The following FKBP7 variants were observed in gnomAD, a reference collection of about 807,000 sequenced individuals.
The protein encoded by FKBP7 is FKBP prolyl isomerase 7, also known as peptidyl-prolyl cis-trans isomerase FKBP7.
Under a neutral mutation model 24.3 loss-of-function variants are expected in FKBP7, and 24 were observed. That is an observed-to-expected ratio of 0.99 (90% CI 0.72 to 1.39). The LOEUF is 1.39. FKBP7 is among the 40% of genes most tolerant of loss of function. The probability of loss-of-function intolerance (pLI) is 0.00; values close to 1 mark genes in which losing one functional copy is unlikely to be tolerated. For missense variants in FKBP7, 257 were observed against 269.5 expected (o/e 0.95, Z 0.33); for synonymous variants, 98 against 92.8 (o/e 1.06, Z -0.32).
intron 2 of FKBP7, among the ~76,000 whole-genome samples, chr2:178,475,968 A>G (rs1404633376): frequency 6.6e-6 from 1 of 152,192 alleles, no homozygotes; most frequent in Non-Finnish European, 1.5e-5. Flanking sequence ...ACAGCCCATT[A>G]TATCTCAGCT....
intron 2 of FKBP7, among the ~76,000 whole-genome samples, chr2:178,472,620 G>A (rs1003387038): frequency 1.3e-5 from 2 of 151,674 alleles, no homozygotes; most frequent in East Asian, 3.9e-4. Flanking sequence ...CCAGGAGGGC[G>A]AGATCAGCCT....
chr2:178,469,412 C>T (rs1378793987), intron 3 of FKBP7, among the ~76,000 whole-genome samples: 4 of 152,206 alleles, frequency 2.6e-5, no homozygotes, highest in South Asian at 2.1e-4. Flanking sequence ...ACAAATAATT[C>T]GGGATTTTAA....
chr2:178,466,750 CTA>C, intron 3 of FKBP7, among the ~76,000 whole-genome samples: 1 of 152,098 alleles, frequency 6.6e-6, no homozygotes, highest in East Asian at 1.9e-4. Context: ...TAAGATGTGA[CTA>C]TAAAAATTTT....
At chr2:178,472,816 C>T (rs1335591882) in intron 2 of FKBP7, among the ~76,000 whole-genome samples, 8 of 129,986 alleles carry the variant, frequency 6.2e-5, no homozygotes, top group South Asian at 2.6e-4. Context: ...CACACCACTG[C>T]GCTCCAATCT....
Position 178,464,260 on chromosome 2 carries a change from C to T in FKBP7, c.*1510G>A, listed in dbSNP as rs1367358155. 6.6e-6 allele frequency: 1 copy of T among 152,240 alleles called. No homozygotes were observed. Among genetic ancestry groups the T allele is most frequent in the Non-Finnish European group, 1.5e-5 (1 of 68,056 alleles). The allele number at this position is 152,240 out of a possible 1,614,324, so 9.4% of individuals were successfully genotyped here. A position where few individuals can be genotyped will look rare whatever the true frequency, so the allele number is the denominator to read the frequency against. ...TAGAAAAAACTTTACTTGTTTGGAA[C>T]TCAATTATTTTGAACAGAGCTATTT... On this transcript the variant is annotated 3_prime_UTR_variant, in exon 4 of 4. Coordinates refer to ENST00000424785, the MANE Select transcript of FKBP7 (RefSeq NM_181342.3).
intron 2 of FKBP7, among the ~76,000 whole-genome samples, chr2:178,471,108 G>T (rs942678959): frequency 3.3e-5 from 5 of 151,188 alleles, no homozygotes; most frequent in Non-Finnish European, 5.9e-5. Context: ...CAGGTGATCC[G>T]CTTGCCTTGG....
chr2:178,470,839 G>T (rs1684828646), intron 2 of FKBP7, among the ~76,000 whole-genome samples: 1 of 151,884 alleles, frequency 6.6e-6, no homozygotes, highest in Non-Finnish European at 1.5e-5. Flanking sequence ...CAAAGAAATT[G>T]TATACATTTT....
intron 3 of FKBP7, among the ~76,000 whole-genome samples, chr2:178,466,557 A>G (rs1212985790): frequency 6.6e-6 from 1 of 152,148 alleles, no homozygotes; most frequent in African/African-American, 2.4e-5. Flanking sequence ...AGCACTTGAA[A>G]CATGGCTAGA....
intron 2 of FKBP7, chr2:178,473,119 A>G: frequency 7.7e-7 from 1 of 1,303,656 alleles, no homozygotes; most frequent in Non-Finnish European, 1.0e-6. Context: ...TATTTTGCAG[A>G]AGAAAGACTT....
At position 178,465,642 on chromosome 2, in the gene FKBP7, T is replaced by C. The variant is rs771266626; in HGVS notation, c.*128A>G. On this transcript the variant is annotated 3_prime_UTR_variant, in exon 4 of 4. Coordinates refer to ENST00000424785, the MANE Select transcript of FKBP7 (RefSeq NM_181342.3). ...CTCACATTTATTATACCAAAATCAATGTATTGGGGAGATCAAAATATCTTC... is the reference window on the plus strand; with the variant it reads ...CTCACATTTATTATACCAAAATCAACGTATTGGGGAGATCAAAATATCTTC... The C allele has an allele frequency of 2.6e-6, 2 of 755,180 alleles. No homozygotes were observed. The highest frequency in any genetic ancestry group is 3.8e-6 in the Non-Finnish European group (2 of 533,172). 46.8% of individuals were successfully genotyped at this position (755,180 alleles called of 1,614,324 possible).
At chr2:178,476,962 T>G in intron 2 of FKBP7, 100 bp downstream of exon 2, 2 of 868,712 alleles carry the variant, frequency 2.3e-6, no homozygotes, top group South Asian at 1.9e-5. Context: ...AATATTTCTT[T>G]GAGACTGTGC....
chr2:178,465,741 TAA>T lies in FKBP7; in HGVS notation c.*27_*28del, dbSNP rs11336824. 813 of 1,251,692 alleles carry T rather than the reference TAA, an allele frequency of 6.5e-4. No homozygotes were observed. The highest frequency in any genetic ancestry group is 3.5e-3 in the East Asian group (125 of 36,190). 77.5% of individuals were successfully genotyped at this position (1,251,692 alleles called of 1,614,324 possible). A position where few individuals can be genotyped will look rare whatever the true frequency, so the allele number is the denominator to read the frequency against. On this transcript the variant is annotated 3_prime_UTR_variant, in exon 4 of 4. Coordinates refer to ENST00000424785, the MANE Select transcript of FKBP7 (RefSeq NM_181342.3). Reference sequence around the variant, plus strand: ...TTATACATAAAGTACAGTAAATAGCTAAAAAAAAAAAGTAGAAATACAAATAT... The same window carrying T: ...TTATACATAAAGTACAGTAAATAGCTAAAAAAAAAGTAGAAATACAAATAT...
chr2:178,478,089 T>G (rs984679154), intron 1 of FKBP7, among the ~76,000 whole-genome samples, 190 bp downstream of exon 1: 44 of 152,350 alleles, frequency 2.9e-4, no homozygotes, highest in African/African-American at 1.1e-3. Flanking sequence ...TTTTCAATAC[T>G]TTAAATAAAA....
chr2:178,465,778 C>A lies in FKBP7; in HGVS notation c.661G>T (p.Glu221Ter), dbSNP rs1481458537. Residue 221 changes from glutamate (E) to a stop codon, truncating the protein, a stop_gained, in exon 4 of 4, where the codon GAA (glutamate) becomes TAA (stop). Coordinates refer to ENST00000424785, the MANE Select transcript of FKBP7 (RefSeq NM_181342.3). LOFTEE classifies it high-confidence loss of function. Reference protein sequence around the residue: ...PKEYNVYQHDEL With the variant: ...PKEYNVYQHD ...GTAGAAATACAAATATGCTATAGTT[C>A]ATCGTGTTGGTATACATTGTATTCC... 2 of 1,575,572 alleles carry A rather than the reference C, an allele frequency of 1.3e-6. No homozygotes were observed. The highest frequency in any genetic ancestry group is 1.8e-4 in the Middle Eastern group (1 of 5,712).
In FKBP7 at chr2:178,465,651, G is replaced by T; in HGVS notation, c.*119C>A. ...ATTATACCAAAATCAATGTATTGGG[G>T]AGATCAAAATATCTTCTCATAGGGG... On this transcript the variant is annotated 3_prime_UTR_variant, in exon 4 of 4. Transcript: ENST00000424785. The T allele has an allele frequency of 1.1e-6, 1 of 916,360 alleles. No individual in the cohort carries two copies. The highest frequency in any genetic ancestry group is 1.5e-6 in the Non-Finnish European group (1 of 648,148). 56.8% of individuals were successfully genotyped at this position (916,360 alleles called of 1,614,324 possible).
intron 3 of FKBP7, among the ~76,000 whole-genome samples, chr2:178,469,386 G>GA (rs1684783538): frequency 1.3e-5 from 2 of 152,158 alleles, no homozygotes; most frequent in African/African-American, 4.8e-5. Context: ...CTAGAAACTG[G>GA]AAGAGCACTG....
intron 3 of FKBP7, 92 bp downstream of exon 3, chr2:178,469,560 T>C: frequency 7.5e-7 from 1 of 1,332,008 alleles, no homozygotes; most frequent in Non-Finnish European, 1.1e-6. Context: ...GAGCCCATGC[T>C]AGCTAGACCT....
intron 1 of FKBP7, among the ~76,000 whole-genome samples, chr2:178,477,631 T>C (rs1467636814): frequency 1.3e-5 from 2 of 151,990 alleles, no homozygotes; most frequent in Admixed American, 6.5e-5. Flanking sequence ...TCTAATGATA[T>C]AATTTATTAA....
chr2:178,472,457 G>A (rs1684872952), intron 2 of FKBP7, among the ~76,000 whole-genome samples: 1 of 151,810 alleles, frequency 6.6e-6, no homozygotes, highest in Non-Finnish European at 1.5e-5. Flanking sequence ...AGAAAATATT[G>A]GCCGGGCGCA....
Sources: allele counts gnomAD v4.1 joint callset (sites outside exome capture counted in the v4.1 genomes callset), GRCh38; gene constraint gnomAD v4.1.1; transcripts MANE v1.5; gene names NCBI Gene and HGNC (gene_info 2026-07-23, HGNC 2026-07-21).